ITGB6: variants seen among roughly 807,000 people sequenced by gnomAD.
ITGB6 encodes the protein integrin beta-6.
In ITGB6, 80 loss-of-function variants were observed where a neutral mutation model predicts 84.5. The ratio of observed to expected loss-of-function variants is 0.95; its 90% CI spans 0.79 to 1.14. The LOEUF is 1.14. Among genes scored for constraint, ITGB6 ranks in the 50% most tolerant of loss-of-function variants. The pLI is 0.00. For missense variants in ITGB6, 1,006 were observed against 968.0 expected (o/e 1.04, Z -0.52); for synonymous variants, 383 against 354.9 (o/e 1.08, Z -0.89).
At chr2:160,171,327 T>C (rs7603686) in intron 6 of ITGB6, among the ~76,000 whole-genome samples, 109,255 of 141,846 alleles carry the variant, frequency 0.77, 42,446 homozygotes, top group South Asian at 0.87. Context: ...GAAATCAAAT[T>C]TATTTTTTTA....
intron 4 of ITGB6, among the ~76,000 whole-genome samples, chr2:160,179,365 G>A (rs867035596): frequency 6.6e-6 from 1 of 150,566 alleles, no homozygotes; most frequent in East Asian, 1.9e-4. Flanking sequence ...ATCCATTCTA[G>A]CATTTCTTTT....
chr2:160,164,971 C>T (rs1684951012), intron 7 of ITGB6, among the ~76,000 whole-genome samples: 1 of 152,224 alleles, frequency 6.6e-6, no homozygotes, highest in East Asian at 1.9e-4. Context: ...GGGATGTTTT[C>T]ATTAATAAGG....
intron 12 of ITGB6, among the ~76,000 whole-genome samples, chr2:160,120,304 T>G (rs1682976125): frequency 7.4e-6 from 1 of 135,660 alleles, no homozygotes; most frequent in African/African-American, 2.8e-5. Context: ...TAAGAAAATG[T>G]GGCACATATA....
intron 8 of ITGB6, among the ~76,000 whole-genome samples, chr2:160,139,459 C>G (rs1409059249): frequency 6.6e-6 from 1 of 152,054 alleles, no homozygotes; most frequent in East Asian, 1.9e-4. Context: ...AATGACCCTG[C>G]CTTCCTCCAA....
chr2:160,172,302 A>T (rs1199836445), intron 6 of ITGB6, among the ~76,000 whole-genome samples: 1 of 152,198 alleles, frequency 6.6e-6, no homozygotes, highest in Non-Finnish European at 1.5e-5. Context: ...TTGCTTTACC[A>T]GCACCAGGAT....
chr2:160,169,143 CAG>C (rs899410418), intron 7 of ITGB6, 67 bp downstream of exon 7: 6 of 872,258 alleles, frequency 6.9e-6, no homozygotes, highest in Non-Finnish European at 1.1e-5. Context: ...GTTAAACTCA[CAG>C]AGTTAATGTT....
chr2:160,133,626 C>G (rs1683564768), intron 10 of ITGB6, among the ~76,000 whole-genome samples: 1 of 146,530 alleles, frequency 6.8e-6, no homozygotes, highest in African/African-American at 2.4e-5. Flanking sequence ...CACACCACAC[C>G]TATTCCAAAA....
chr2:160,116,489 A>G (rs1367100521), intron 12 of ITGB6, among the ~76,000 whole-genome samples: 7 of 152,262 alleles, frequency 4.6e-5, no homozygotes, highest in African/African-American at 7.2e-5. Context: ...CACCAGGCCT[A>G]CCCTAAAAGA....
Position 160,101,811 on chromosome 2 carries a change from TC to T in ITGB6, c.2291del (p.Gly764AspfsTer9). 1 of 1,590,938 alleles carries T rather than the reference TC, an allele frequency of 6.3e-7. No individual in the cohort carries two copies. The highest frequency in any genetic ancestry group is 8.6e-7 in the Non-Finnish European group (1 of 1,162,524). ...TTACATTTTTAAAAGTACTTGTGGATCCTCTGTAGAGTGGATTGGTTCCCTG... is the reference window on the plus strand; with the variant it reads ...TTACATTTTTAAAAGTACTTGTGGATCTCTGTAGAGTGGATTGGTTCCCTG... Reference protein sequence around the residue: ...WQTGTNPLYRGSTSTFKNVTY... With the variant: ...WQTGTNPLYRXSTSTFKNVTY... On this transcript the variant is annotated frameshift_variant, in exon 15 of 15. Transcript: ENST00000283249. LOFTEE classifies it high-confidence loss of function.
At chr2:160,158,540 C>T (rs984487120) in intron 7 of ITGB6, among the ~76,000 whole-genome samples, 2 of 152,164 alleles carry the variant, frequency 1.3e-5, no homozygotes, top group South Asian at 4.1e-4. Context: ...GAATTGCAGA[C>T]CTTTGCTGAC....
At chr2:160,110,304 GGTT>G (rs1697081280) in intron 13 of ITGB6, among the ~76,000 whole-genome samples, 1 of 152,104 alleles carries the variant, frequency 6.6e-6, no homozygotes, top group Non-Finnish European at 1.5e-5. Context: ...TGTTTTATAT[GGTT>G]GTTAAGAATA....
intron 10 of ITGB6, 137 bp downstream of exon 10, chr2:160,137,297 A>G: frequency 5.3e-6 from 4 of 750,342 alleles, no homozygotes; most frequent in Non-Finnish European, 8.6e-6. Flanking sequence ...AGATTCAGTT[A>G]CCCTAGGTCT....
rs1168147668 is a variant in ITGB6 at position 160,100,123 on chromosome 2, A to G, written c.*1613T>C. 1.3e-5 allele frequency: 2 copies of G among 152,178 alleles called. No homozygotes were observed. Among genetic ancestry groups the G allele is most frequent in the East Asian group, 3.8e-4 (2 of 5,196 alleles). 9.4% of individuals were successfully genotyped at this position (152,178 alleles called of 1,614,324 possible). On this transcript the variant is annotated 3_prime_UTR_variant, in exon 15 of 15. Transcript: ENST00000283249. ...ACTCTGTAAAGGTCTGATTTACCTG[A>G]GTTATCTAGAAACCAGCAAAAAAAG...
chr2:160,159,092 C>T (rs796982380), intron 7 of ITGB6, among the ~76,000 whole-genome samples: 40 of 147,928 alleles, frequency 2.7e-4, no homozygotes, highest in African/African-American at 1.0e-3. Context: ...GAGTGAGACT[C>T]CATCTCAAAA....
At chr2:160,177,263 A>G (rs991309774) in intron 4 of ITGB6, among the ~76,000 whole-genome samples, 3 of 152,032 alleles carry the variant, frequency 2.0e-5, no homozygotes, top group African/African-American at 7.2e-5. Flanking sequence ...TCTTATTCTA[A>G]TTTAATTTTA....
chr2:160,135,236 T>C (rs75860382), intron 10 of ITGB6, among the ~76,000 whole-genome samples: 5 of 151,730 alleles, frequency 3.3e-5, no homozygotes, highest in African/African-American at 1.2e-4. Context: ...TGTACAAAAA[T>C]CACAAGCATT....
At chr2:160,165,087 C>T (rs1248852290) in intron 7 of ITGB6, among the ~76,000 whole-genome samples, 2 of 152,176 alleles carry the variant, frequency 1.3e-5, no homozygotes, top group African/African-American at 2.4e-5. Flanking sequence ...AATTTATTAC[C>T]TCCATGGAGA....
At position 160,116,245 on chromosome 2, in the gene ITGB6, C is replaced by T. The variant is rs1317992244; in HGVS notation, c.1982-4046G>A. Among the ~76,000 whole-genome samples the T allele has an allele frequency of 4.6e-4, 70 of 152,026 alleles. 1 individual carries two copies. The highest frequency in any genetic ancestry group is 1.7e-3 in the African/African-American group (70 of 41,452). ...CAAAGTTGAAATTAAGGAAAAAATG[C>T]TAAGGGCAGCCAGAGAGAAAGGTTG... On this transcript the variant is annotated intron_variant, in intron 12 of 14. Transcript: ENST00000283249.
At chr2:160,150,060 C>A (rs1213484203) in intron 7 of ITGB6, among the ~76,000 whole-genome samples, 2 of 152,088 alleles carry the variant, frequency 1.3e-5, no homozygotes, top group Non-Finnish European at 2.9e-5. Context: ...AGAACTTCCC[C>A]AACATAGCAA....
Sources: allele counts gnomAD v4.1 joint callset (sites outside exome capture counted in the v4.1 genomes callset), GRCh38; gene constraint gnomAD v4.1.1; transcripts MANE v1.5; gene names NCBI Gene and HGNC (gene_info 2026-07-23, HGNC 2026-07-21).